SGCD: variants seen among roughly 807,000 people sequenced by gnomAD.
SGCD encodes the protein delta-sarcoglycan.
In SGCD, 18 loss-of-function variants were observed where a neutral mutation model predicts 36.6. The observed-to-expected ratio is 0.49, with a 90% confidence interval of 0.34 to 0.73. The LOEUF is 0.73. Among genes scored for constraint, SGCD ranks in the 30% least tolerant of loss-of-function variants. The pLI is 0.01. For synonymous variants in SGCD, 133 were observed against 130.6 expected, an observed-to-expected ratio of 1.02 and a Z score of -0.12; for missense variants, 387 against 346.7, an observed-to-expected ratio of 1.12 and a Z score of -0.92.
At chr5:155,956,434 G>A (rs373858599) in intron 1 of SGCD, among the ~76,000 whole-genome samples, 3 of 152,084 alleles carry the variant, frequency 2.0e-5, no homozygotes, top group South Asian at 2.1e-4. Context: ...CTTCTCTGAC[G>A]GATGATGGCT....
At chr5:156,452,958 C>T (rs1021548409) in intron 3 of SGCD, among the ~76,000 whole-genome samples, 27 of 152,122 alleles carry the variant, frequency 1.8e-4, no homozygotes, top group African/African-American at 6.3e-4. Flanking sequence ...ATGACCCAGC[C>T]GAATCTTAAG....
At chr5:156,393,348 C>T (rs1415793261) in intron 3 of SGCD, among the ~76,000 whole-genome samples, 2 of 152,224 alleles carry the variant, frequency 1.3e-5, no homozygotes, top group African/African-American at 2.4e-5. Context: ...CACACTGGCT[C>T]ATGAGAGCCA....
chr5:156,699,458 C>T (rs779019743), intron 7 of SGCD, among the ~76,000 whole-genome samples: 4 of 152,006 alleles, frequency 2.6e-5, no homozygotes, highest in Non-Finnish European at 5.9e-5. Flanking sequence ...TTGATGACTA[C>T]AATTGTGATT....
chr5:155,898,498 G>T (rs1756318201), intron 1 of SGCD, among the ~76,000 whole-genome samples: 1 of 152,208 alleles, frequency 6.6e-6, no homozygotes, highest in South Asian at 2.1e-4. Flanking sequence ...TCATGAGAGA[G>T]ATGTTAGAAG....
the SGCD span, among the ~76,000 whole-genome samples, chr5:155,796,516 T>A: frequency 6.6e-6 from 1 of 151,498 alleles, no homozygotes; most frequent in Admixed American, 6.6e-5. Flanking sequence ...TAAAAATCAA[T>A]GATTCGGCCG....
At chr5:156,147,677 G>A (rs1762736764) in intron 3 of SGCD, among the ~76,000 whole-genome samples, 1 of 152,150 alleles carries the variant, frequency 6.6e-6, no homozygotes, top group Admixed American at 6.5e-5. Flanking sequence ...AATGCAGGAG[G>A]AGAAAGATGA....
At chr5:156,201,169 A>G (rs554373105) in intron 3 of SGCD, among the ~76,000 whole-genome samples, 7 of 152,324 alleles carry the variant, frequency 4.6e-5, no homozygotes, top group South Asian at 4.1e-4. Context: ...CTGTTGCACA[A>G]CAATGTGAAT....
chr5:156,154,685 A>G (rs561617611), intron 3 of SGCD, among the ~76,000 whole-genome samples: 4 of 151,820 alleles, frequency 2.6e-5, no homozygotes, highest in Admixed American at 2.6e-4. Flanking sequence ...TGTGAGAAAC[A>G]GTGGCTGACA....
chr5:156,732,931 C>T (rs1422118039), intron 7 of SGCD, among the ~76,000 whole-genome samples: 3 of 152,116 alleles, frequency 2.0e-5, no homozygotes, highest in South Asian at 4.1e-4. Context: ...TCTCCCTTGT[C>T]GTTTCTGATT....
chr5:156,090,566 G>A (rs1761215188), intron 1 of SGCD, among the ~76,000 whole-genome samples: 1 of 152,166 alleles, frequency 6.6e-6, no homozygotes, highest in African/African-American at 2.4e-5. Flanking sequence ...TACTGATAAA[G>A]GTCCATGTCC....
the SGCD span, among the ~76,000 whole-genome samples, chr5:155,804,096 T>C: frequency 6.6e-6 from 1 of 152,170 alleles, no homozygotes; most frequent in Admixed American, 6.5e-5. Flanking sequence ...AGAGGCAGGA[T>C]TGGAGTTGGA....
intron 1 of SGCD, among the ~76,000 whole-genome samples, chr5:155,956,780 T>G (rs1757661264): frequency 6.8e-6 from 1 of 147,134 alleles, no homozygotes; most frequent in South Asian, 2.3e-4. Flanking sequence ...TATAAGGACC[T>G]TTTTGTTGGA....
At chr5:156,603,735 T>C (rs1761295206) in intron 6 of SGCD, among the ~76,000 whole-genome samples, 2 of 152,096 alleles carry the variant, frequency 1.3e-5, no homozygotes, top group South Asian at 4.1e-4. Flanking sequence ...AGTTGATTTC[T>C]AGTTTTATAC....
intron 5 of SGCD, among the ~76,000 whole-genome samples, chr5:156,591,877 C>A (rs1317755321): frequency 1.3e-5 from 2 of 152,118 alleles, no homozygotes; most frequent in African/African-American, 4.8e-5. Context: ...CAACAAAGGA[C>A]AAGCCATCTG....
chr5:155,949,101 T>TCA (rs1257666209), intron 1 of SGCD, among the ~76,000 whole-genome samples: 1 of 152,218 alleles, frequency 6.6e-6, no homozygotes, highest in Non-Finnish European at 1.5e-5. Flanking sequence ...AAATACTGAT[T>TCA]GCTGCATTGA....
At chr5:156,489,729 A>G (rs1268745855) in intron 3 of SGCD, among the ~76,000 whole-genome samples, 4 of 152,096 alleles carry the variant, frequency 2.6e-5, no homozygotes, top group African/African-American at 7.2e-5. Context: ...AAGCAGCACT[A>G]AGAGGAAAGT....
At chr5:155,878,574 T>C (rs1002985848) in intron 1 of SGCD, among the ~76,000 whole-genome samples, 2 of 152,070 alleles carry the variant, frequency 1.3e-5, no homozygotes, top group African/African-American at 2.4e-5. Context: ...AAAACTACCT[T>C]GATAAGAATA....
At chr5:155,771,806 C>G in the SGCD span, among the ~76,000 whole-genome samples, 1 of 152,092 alleles carries the variant, frequency 6.6e-6, no homozygotes, top group Non-Finnish European at 1.5e-5. Flanking sequence ...CCAGTCTTAG[C>G]CTCCCAAAGC....
intron 1 of SGCD, among the ~76,000 whole-genome samples, chr5:155,882,746 T>A (rs72797609): frequency 6.6e-6 from 1 of 152,194 alleles, no homozygotes; most frequent in East Asian, 1.9e-4. Flanking sequence ...CTTTCTTGTT[T>A]CATTTCTAGA....
Sources: allele counts gnomAD v4.1 joint callset (sites outside exome capture counted in the v4.1 genomes callset), GRCh38; gene constraint gnomAD v4.1.1; transcripts MANE v1.5; gene names NCBI Gene and HGNC (gene_info 2026-07-23, HGNC 2026-07-21).